GPHN: variants seen among roughly 807,000 people sequenced by gnomAD.
GPHN encodes gephyrin.
A neutral mutation model predicts 95.5 loss-of-function variants in GPHN; 17 were observed. The observed-to-expected ratio is 0.18, with a 90% confidence interval of 0.12 to 0.27. The LOEUF is 0.27. Ranked by LOEUF, GPHN falls within the 10% of genes least tolerant of loss-of-function variation. The probability of loss-of-function intolerance (pLI) is 1.00; values close to 1 mark genes in which losing one functional copy is unlikely to be tolerated. For missense variants in GPHN, 660 were observed against 978.1 expected (o/e 0.67, Z 4.34); for synonymous variants, 320 against 322.5 (o/e 0.99, Z 0.08).
At chr14:67,492,958 A>C in the GPHN span, among the ~76,000 whole-genome samples, 2 of 152,184 alleles carry the variant, frequency 1.3e-5, no homozygotes, top group Non-Finnish European at 2.9e-5. Flanking sequence ...GAAGATGGGG[A>C]AGGCCAGGTG....
chr14:67,043,165 GTCA>G (rs746457100), intron 10 of GPHN, among the ~76,000 whole-genome samples: 17 of 152,160 alleles, frequency 1.1e-4, no homozygotes, highest in South Asian at 4.1e-4. Context: ...ATACAATCAT[GTCA>G]TCTGCAAACA....
At chr14:67,267,715 A>G in the GPHN span, among the ~76,000 whole-genome samples, 21 of 152,214 alleles carry the variant, frequency 1.4e-4, no homozygotes, top group African/African-American at 5.1e-4. Flanking sequence ...GGACACTTTT[A>G]TCACATGAAA....
At chr14:66,563,927 G>T (rs1380919067) in intron 1 of GPHN, among the ~76,000 whole-genome samples, 1 of 152,082 alleles carries the variant, frequency 6.6e-6, no homozygotes, top group Non-Finnish European at 1.5e-5. Flanking sequence ...ATAGACCATA[G>T]CAAGTTTTTG....
chr14:66,873,089 G>A (rs764521048), intron 4 of GPHN, among the ~76,000 whole-genome samples: 3 of 152,142 alleles, frequency 2.0e-5, no homozygotes, highest in South Asian at 2.1e-4. Flanking sequence ...GGCTCATATC[G>A]TTGGGACTGG....
chr14:66,924,519 G>A (rs1200073079), intron 8 of GPHN, among the ~76,000 whole-genome samples: 1 of 152,106 alleles, frequency 6.6e-6, no homozygotes, highest in Non-Finnish European at 1.5e-5. Context: ...TGTCATTTGT[G>A]ACAATGAACT....
chr14:67,674,376 G>T, the GPHN span: 6 of 1,591,380 alleles, frequency 3.8e-6, no homozygotes, highest in Non-Finnish European at 5.1e-6. Flanking sequence ...CCGCCTCACC[G>T]GTCCCCGCCG....
At chr14:66,801,656 C>G (rs2060355363) in intron 3 of GPHN, among the ~76,000 whole-genome samples, 1 of 138,150 alleles carries the variant, frequency 7.2e-6, no homozygotes, top group African/African-American at 2.7e-5. Context: ...CTTGAGCTAC[C>G]TGGAGCTGAT....
the GPHN span, among the ~76,000 whole-genome samples, chr14:67,487,753 G>A: frequency 1.3e-5 from 2 of 151,952 alleles, no homozygotes; most frequent in Non-Finnish European, 2.9e-5. Context: ...CCAGCTACAA[G>A]CTAATACAAA....
At chr14:67,708,994 C>T in the GPHN span, among the ~76,000 whole-genome samples, 18,847 of 152,012 alleles carry the variant, frequency 0.12, 1,206 homozygotes, top group Admixed American at 0.15. Flanking sequence ...GGTTTCACCA[C>T]GTTGGCCAGG....
At chr14:67,555,924 G>A in the GPHN span, 3 of 1,606,904 alleles carry the variant, frequency 1.9e-6, no homozygotes, top group East Asian at 6.7e-5. Context: ...ATATGCAGGG[G>A]AATGACCGTC....
At chr14:67,590,804 G>A in the GPHN span, among the ~76,000 whole-genome samples, 1 of 152,234 alleles carries the variant, frequency 6.6e-6, no homozygotes, top group African/African-American at 2.4e-5. Context: ...ACTATGCGAG[G>A]TGGGAGATCA....
rs756588496 is a variant in GPHN at position 66,924,205 on chromosome 14, C to G, written c.741C>G (p.Phe247Leu). ...GTGTTGTGCATTAGAAGCATCCATT[C>G]TACACCAGTCCTGCTGTTGTCATGG... ...AAAIAAKKHP[F>L]YTSPAVVMAH... Residue 247 changes from phenylalanine to leucine, a missense_variant, in exon 8 of 23, where the codon TTC becomes TTG. Coordinates refer to ENST00000478722, the MANE Select transcript of GPHN (RefSeq NM_020806.5). 1 of 1,593,548 alleles carries G rather than the reference C, an allele frequency of 6.3e-7. No individual in the cohort carries two copies. Among genetic ancestry groups the G allele is most frequent in the Non-Finnish European group, 8.6e-7 (1 of 1,161,244 alleles).
the GPHN span, among the ~76,000 whole-genome samples, chr14:67,531,164 C>T: frequency 4.2e-4 from 64 of 152,206 alleles, no homozygotes; most frequent in Non-Finnish European, 8.5e-4. Context: ...TATTATAGTC[C>T]CAGCTACCTG....
chr14:67,321,082 A>G, the GPHN span: 1 of 1,614,124 alleles, frequency 6.2e-7, no homozygotes, highest in Non-Finnish European at 8.5e-7. Flanking sequence ...GGCGAGACCA[A>G]GAAGTAGCCG....
intron 1 of GPHN, among the ~76,000 whole-genome samples, chr14:66,550,530 A>G (rs2059771261): frequency 6.6e-6 from 1 of 152,246 alleles, no homozygotes; most frequent in Non-Finnish European, 1.5e-5. Context: ...TTTAATTATT[A>G]CATGAACTTA....
At position 67,023,644 on chromosome 14, in the gene GPHN, G is replaced by A. The variant is rs1417482996; in HGVS notation, c.975G>A (p.Arg325=). The A allele has an allele frequency of 2.5e-6, 4 of 1,613,404 alleles. No homozygotes were observed. The highest frequency in any genetic ancestry group is 2.2e-5 in the East Asian group (1 of 44,866). ...TGCTCTTTCTACAGGTCCAGTCCAG[G>A]TGCAGCAGCAAGGAGAACATTCTCA... ...ASCPTPKVQS[R]CSSKENILRA... is the part of the protein sequence containing the mutation. The change falls in exon 10 of 23, where the codon AGG becomes AGA. Residue 325 remains arginine (R), a synonymous_variant. Transcript: ENST00000478722.
chr14:66,570,602 G>T (rs1463312536), intron 1 of GPHN, among the ~76,000 whole-genome samples: 1 of 152,036 alleles, frequency 6.6e-6, no homozygotes, highest in African/African-American at 2.4e-5. Flanking sequence ...ACCATGCCTG[G>T]CCCAATTTCA....
chr14:67,286,100 C>T, the GPHN span, among the ~76,000 whole-genome samples: 15 of 152,196 alleles, frequency 9.9e-5, no homozygotes, highest in Non-Finnish European at 2.1e-4. Context: ...TAAAGAAATT[C>T]CTTGTAGGAA....
chr14:66,740,124 C>CA (rs1308468309), intron 2 of GPHN, among the ~76,000 whole-genome samples: 1 of 152,122 alleles, frequency 6.6e-6, no homozygotes, highest in Non-Finnish European at 1.5e-5. Context: ...TACACTGTTT[C>CA]ATGCACACTG....
Sources: allele counts gnomAD v4.1 joint callset (sites outside exome capture counted in the v4.1 genomes callset), GRCh38; gene constraint gnomAD v4.1.1; transcripts MANE v1.5; gene names NCBI Gene and HGNC (gene_info 2026-07-23, HGNC 2026-07-21).